Variants in PLCB4 observed in about 807,000 individuals in gnomAD.
PLCB4 encodes phospholipase C beta 4.
Under a neutral mutation model 178.8 loss-of-function variants are expected in PLCB4, and 77 were observed. The ratio of observed to expected loss-of-function variants is 0.43; its 90% CI spans 0.36 to 0.52. The LOEUF is 0.52. Ranked by LOEUF, PLCB4 falls within the 20% of genes least tolerant of loss-of-function variation. The pLI, the probability that PLCB4 is intolerant of heterozygous loss-of-function variation, is 0.00. For synonymous variants in PLCB4, 496 were observed against 490.8 expected (o/e 1.01, Z -0.14); for missense variants, 1,024 against 1,453.4 (o/e 0.70, Z 4.80).
At chr20:9,389,275 A>G (rs563038644) in intron 15 of PLCB4, among the ~76,000 whole-genome samples, 1 of 152,306 alleles carries the variant, frequency 6.6e-6, no homozygotes, top group South Asian at 2.1e-4. Flanking sequence ...TCTATGTTTC[A>G]CTTACATGTT....
chr20:9,390,128 C>CA (rs939855788), intron 16 of PLCB4, among the ~76,000 whole-genome samples, 170 bp downstream of exon 16: 1 of 151,510 alleles, frequency 6.6e-6, no homozygotes, highest in South Asian at 2.1e-4. Context: ...CAAAAAACAA[C>CA]AAAAAAAGGA....
rs74879589 is a variant in PLCB4 at position 9,423,532 on chromosome 20, G to A, written c.2320-216G>A. Among the ~76,000 whole-genome samples, 32 of 152,272 alleles carry A rather than the reference G, an allele frequency of 2.1e-4. No individual in the cohort carries two copies. The East Asian group carries it at 5.8e-3, about 28-fold the overall frequency. On this transcript the variant is annotated intron_variant, in intron 27 of 39. Coordinates refer to ENST00000378473, the MANE Select transcript of PLCB4 (RefSeq NM_001377142.1). ...ATTCATTTCATCTAACATTTTTCAC[G>A]AGATAATTTCCAGGAAACATGTTCC...
intron 2 of PLCB4, among the ~76,000 whole-genome samples, chr20:9,113,863 A>G (rs1263873501): frequency 3.9e-5 from 6 of 152,134 alleles, no homozygotes; most frequent in African/African-American, 1.4e-4. Flanking sequence ...GTTGTGTTGC[A>G]TGCAGCAGGG....
chr20:9,318,420 G>C (rs553880393), intron 4 of PLCB4, among the ~76,000 whole-genome samples: 3 of 152,110 alleles, frequency 2.0e-5, no homozygotes, highest in African/African-American at 7.2e-5. Flanking sequence ...ACATGGGTGT[G>C]AGGCATGCAA....
chr20:9,212,832 C>T (rs1013730245), intron 2 of PLCB4, among the ~76,000 whole-genome samples: 11 of 152,162 alleles, frequency 7.2e-5, no homozygotes, highest in African/African-American at 2.6e-4. Flanking sequence ...GTATTATAGC[C>T]TTTTTTTAAA....
intron 3 of PLCB4, among the ~76,000 whole-genome samples, chr20:9,292,483 C>T (rs78604552): frequency 0.027 from 4,164 of 152,184 alleles, 194 homozygotes; most frequent in African/African-American, 0.093. Context: ...CAGGATCAAG[C>T]CCCACCAGTG....
intron 3 of PLCB4, among the ~76,000 whole-genome samples, chr20:9,270,509 C>A (rs1245744277): frequency 1.3e-5 from 2 of 152,060 alleles, no homozygotes; most frequent in Non-Finnish European, 2.9e-5. Context: ...TAATCTATTT[C>A]TTTTTATTGC....
intron 2 of PLCB4, among the ~76,000 whole-genome samples, chr20:9,132,770 G>T (rs796863716): frequency 2.2e-4 from 34 of 152,190 alleles, no homozygotes; most frequent in Admixed American, 6.5e-4. Flanking sequence ...ACTTATTTCT[G>T]CCTATACAAT....
At chr20:9,160,366 T>C (rs111974634) in intron 2 of PLCB4, among the ~76,000 whole-genome samples, 177 of 152,294 alleles carry the variant, frequency 1.2e-3, no homozygotes, top group African/African-American at 3.9e-3. Context: ...TGTCTGTTTA[T>C]TCATCCGTAT....
intron 4 of PLCB4, among the ~76,000 whole-genome samples, chr20:9,317,674 G>A (rs1350050184): frequency 9.2e-5 from 14 of 152,166 alleles, no homozygotes; most frequent in Non-Finnish European, 1.6e-4. Context: ...GATTTACAAG[G>A]AGCTTGTGGA....
At chr20:9,169,585 T>TAATTAATA (rs1555855064) in intron 2 of PLCB4, among the ~76,000 whole-genome samples, 1 of 144,406 alleles carries the variant, frequency 6.9e-6, no homozygotes, top group African/African-American at 2.6e-5. Context: ...CAAGACTGTC[T>TAATTAATA]AATAAATAAA....
intron 12 of PLCB4, among the ~76,000 whole-genome samples, chr20:9,374,908 C>T (rs1461504612): frequency 2.6e-5 from 4 of 152,224 alleles, no homozygotes; most frequent in African/African-American, 9.6e-5. Context: ...CTCACAATTA[C>T]AGTAGACAAT....
intron 32 of PLCB4, among the ~76,000 whole-genome samples, chr20:9,445,162 C>T (rs570138890): frequency 3.9e-5 from 6 of 152,316 alleles, no homozygotes; most frequent in East Asian, 1.9e-4. Context: ...ATCGTCACTT[C>T]CAGACTCCCT....
chr20:9,272,602 T>C (rs536629806), intron 3 of PLCB4, among the ~76,000 whole-genome samples: 1 of 152,240 alleles, frequency 6.6e-6, no homozygotes, highest in Non-Finnish European at 1.5e-5. Flanking sequence ...GTATATTTTA[T>C]GTTGGCAAGT....
intron 3 of PLCB4, among the ~76,000 whole-genome samples, chr20:9,250,497 C>T (rs2094169012): frequency 6.6e-6 from 1 of 152,224 alleles, no homozygotes; most frequent in Admixed American, 6.5e-5. Context: ...ATATATTTTA[C>T]TCCCATGATG....
chr20:9,407,146 C>T (rs773820168), intron 21 of PLCB4, among the ~76,000 whole-genome samples: 1 of 152,124 alleles, frequency 6.6e-6, no homozygotes, highest in African/African-American at 2.4e-5. Flanking sequence ...GCATCATTAG[C>T]ACCTGGGAAC....
rs111763454 is a variant in PLCB4 at position 9,411,845 on chromosome 20, A to G, written c.2051+757A>G. Among the ~76,000 whole-genome samples, 413 of 152,280 alleles carry G rather than the reference A, an allele frequency of 2.7e-3. 2 individuals are homozygous for G. The highest frequency in any genetic ancestry group is 9.4e-3 in the African/African-American group (392 of 41,564). On this transcript the variant is annotated intron_variant, in intron 25 of 39. Transcript: ENST00000378473. ...GCCCAAAGGCCTGTAGAGGAATCCA[A>G]TGGAAAACTATCCCGTCATAATGAT...
At chr20:9,313,895 G>T (rs1363411451) in intron 4 of PLCB4, among the ~76,000 whole-genome samples, 1 of 152,192 alleles carries the variant, frequency 6.6e-6, no homozygotes, top group Non-Finnish European at 1.5e-5. Context: ...GATGAGAAAG[G>T]TGGTAGAATG....
At chr20:9,316,359 G>C (rs564403296) in intron 4 of PLCB4, among the ~76,000 whole-genome samples, 8 of 152,142 alleles carry the variant, frequency 5.3e-5, no homozygotes, top group African/African-American at 1.9e-4. Context: ...CGAGGTGTTT[G>C]GATTTCGTTC....
Sources: allele counts gnomAD v4.1 joint callset (sites outside exome capture counted in the v4.1 genomes callset), GRCh38; gene constraint gnomAD v4.1.1; transcripts MANE v1.5; gene names NCBI Gene and HGNC (gene_info 2026-07-23, HGNC 2026-07-21).